The following CRPPA variants were observed in gnomAD, a reference collection of about 807,000 sequenced individuals.
The protein encoded by CRPPA is CDP-L-ribitol pyrophosphorylase A, also known as D-ribitol-5-phosphate cytidylyltransferase.
CRPPA carries 43 observed loss-of-function variants against 52.0 expected under a neutral mutation model. That is an observed-to-expected ratio of 0.83 (90% CI 0.65 to 1.07). The LOEUF is 1.07. Ranked by LOEUF, CRPPA falls within the 50% of genes least tolerant of loss-of-function variation. The probability of loss-of-function intolerance (pLI) is 0.00; values close to 1 mark genes in which losing one functional copy is unlikely to be tolerated. For missense variants in CRPPA, 629 were observed against 551.7 expected (o/e 1.14, Z -1.40); for synonymous variants, 250 against 203.5 (o/e 1.23, Z -1.94).
chr7:16,119,788 T>C (rs1019266054), intron 9 of CRPPA, among the ~76,000 whole-genome samples: 1 of 152,228 alleles, frequency 6.6e-6, no homozygotes. Context: ...TTTTGGATGT[T>C]AGGAGCAATG....
chr7:16,133,986 C>T lies in CRPPA; in HGVS notation c.1252-42187G>A, dbSNP rs1782720546. Among the ~76,000 whole-genome samples, 2 of 123,914 alleles carry T rather than the reference C, an allele frequency of 1.6e-5. 1 individual carries two copies. Among genetic ancestry groups the T allele is most frequent in the Non-Finnish European group, 3.7e-5 (2 of 54,488 alleles). 81.3% of individuals were successfully genotyped at this position (123,914 alleles called of 152,430 possible). A position where few individuals can be genotyped will look rare whatever the true frequency, so the allele number is the denominator to read the frequency against. ...TCGCTCTGTTGCCCAGGCTGGAGTG[C>T]AGTGGCGCAATCTCGGCTCACTGTA... On this transcript the variant is annotated intron_variant, in intron 9 of 9. Transcript: ENST00000407010.
intron 9 of CRPPA, among the ~76,000 whole-genome samples, chr7:16,114,295 TACAC>T (rs140597697): frequency 8.2e-5 from 12 of 147,050 alleles, no homozygotes; most frequent in African/African-American, 2.5e-5. Flanking sequence ...CACGCACACA[TACAC>T]ACACACACAC....
At chr7:16,107,551 A>C (rs1782181691) in intron 9 of CRPPA, among the ~76,000 whole-genome samples, 1 of 152,190 alleles carries the variant, frequency 6.6e-6, no homozygotes, top group African/African-American at 2.4e-5. Flanking sequence ...AGGAGAAATA[A>C]GAAGTTTCTC....
chr7:16,398,398 G>A (rs1033791246), intron 2 of CRPPA, among the ~76,000 whole-genome samples: 1 of 152,172 alleles, frequency 6.6e-6, no homozygotes, highest in African/African-American at 2.4e-5. Context: ...TGACTGACAC[G>A]TGACCAACAT....
At chr7:16,122,583 C>G (rs1023860029) in intron 9 of CRPPA, among the ~76,000 whole-genome samples, 19 of 151,966 alleles carry the variant, frequency 1.3e-4, no homozygotes, top group African/African-American at 4.6e-4. Context: ...ACAACTTGAA[C>G]TGAGAAACCT....
At chr7:16,171,518 G>C (rs1781186284) in intron 9 of CRPPA, among the ~76,000 whole-genome samples, 2 of 151,958 alleles carry the variant, frequency 1.3e-5, no homozygotes, top group African/African-American at 2.4e-5. Context: ...TGTAATCCCA[G>C]CACTTTGGGA....
chr7:16,158,380 G>T (rs900066036), intron 9 of CRPPA, among the ~76,000 whole-genome samples: 2 of 151,976 alleles, frequency 1.3e-5, no homozygotes, highest in African/African-American at 2.4e-5. Context: ...ATATGTAGCA[G>T]CAAATATTTA....
chr7:16,403,031 A>G (rs1482946580), intron 2 of CRPPA, among the ~76,000 whole-genome samples: 1 of 152,224 alleles, frequency 6.6e-6, no homozygotes, highest in East Asian at 1.9e-4. Flanking sequence ...ATTCAGAGAG[A>G]AAAGGCAAAT....
At chr7:16,127,991 A>T (rs1326566796) in intron 9 of CRPPA, among the ~76,000 whole-genome samples, 1 of 152,190 alleles carries the variant, frequency 6.6e-6, no homozygotes, top group Non-Finnish European at 1.5e-5. Context: ...GACTACAGCT[A>T]CAACGGAATA....
At position 16,284,661 on chromosome 7, in the gene CRPPA, C is replaced by T. The variant is rs552835215; in HGVS notation, c.836-6435G>A. 3.3e-5 allele frequency among the ~76,000 whole-genome samples: 5 copies of T among 152,188 alleles called. No homozygotes were observed. The East Asian group carries it at 9.7e-4, about 29-fold the overall frequency. The stretch of plus-strand genomic sequence containing the variant: ...AATGGAATATACATTTTGAGTAATA[C>T]ACCCATGTTGGCATCTCTGATTTGC... On this transcript the variant is annotated intron_variant, in intron 5 of 9. Transcript: ENST00000407010.
chr7:16,358,497 A>G (rs527504980), intron 3 of CRPPA, among the ~76,000 whole-genome samples: 1 of 152,306 alleles, frequency 6.6e-6, no homozygotes, highest in Admixed American at 6.5e-5. Context: ...AAATAGGTCA[A>G]ATCTATCCTG....
chr7:16,336,947 A>C (rs1050095582), intron 3 of CRPPA, among the ~76,000 whole-genome samples: 4 of 152,170 alleles, frequency 2.6e-5, no homozygotes, highest in African/African-American at 9.6e-5. Context: ...AAATTCATAT[A>C]TAGGCATTCA....
chr7:16,405,942 T>A, intron 2 of CRPPA, 119 bp downstream of exon 2: 1 of 888,558 alleles, frequency 1.1e-6, no homozygotes, highest in Non-Finnish European at 1.7e-6. Context: ...ATAACATCTT[T>A]AGGTCATCAT....
At chr7:16,412,611 C>A (rs1276774220) in intron 1 of CRPPA, among the ~76,000 whole-genome samples, 2 of 152,088 alleles carry the variant, frequency 1.3e-5, no homozygotes, top group African/African-American at 2.4e-5. Flanking sequence ...AACTAAAAGT[C>A]TTTTATAGTA....
At chr7:16,181,262 A>G (rs1781407782) in intron 9 of CRPPA, among the ~76,000 whole-genome samples, 1 of 151,948 alleles carries the variant, frequency 6.6e-6, no homozygotes, top group Non-Finnish European at 1.5e-5. Flanking sequence ...ACTTTTAGGA[A>G]AAAAATTATA....
At chr7:16,175,471 C>T (rs1391866600) in intron 9 of CRPPA, among the ~76,000 whole-genome samples, 1 of 152,048 alleles carries the variant, frequency 6.6e-6, no homozygotes, top group African/African-American at 2.4e-5. Flanking sequence ...GCTCACTCTT[C>T]ATCTCTAATG....
chr7:16,216,064 A>C lies in CRPPA; in HGVS notation c.1251+2T>G. The C allele has an allele frequency of 6.3e-7, 1 of 1,579,180 alleles. No homozygotes were observed. The highest frequency in any genetic ancestry group is 8.6e-7 in the Non-Finnish European group (1 of 1,164,746). ...CATTCGGAAGATAAACATTTTACCTACCTGTGGGTAAGATATGAGAAGCCC... is the reference window on the plus strand; with the variant it reads ...CATTCGGAAGATAAACATTTTACCTCCCTGTGGGTAAGATATGAGAAGCCC... On this transcript the variant is annotated splice_donor_variant, in intron 9 of 9. Transcript: ENST00000407010. LOFTEE classifies it high-confidence loss of function.
At position 16,406,318 on chromosome 7, in the gene CRPPA, T is replaced by C. The variant is rs762370550; in HGVS notation, c.277A>G (p.Ile93Val). 16 of 1,613,550 alleles carry C rather than the reference T, an allele frequency of 9.9e-6. No individual in the cohort carries two copies. In the African/African-American group the frequency reaches 2.0e-4, roughly 20 times the overall value. Residue 93 changes from isoleucine (I) to valine (V), a missense_variant, in exon 2 of 10, where the codon ATT (isoleucine) becomes GTT (valine). By Grantham distance (29) the Ile-to-Val change is conservative. Transcript: ENST00000407010. ...TTCTCTCCAGTTACTGCCACAACAATGTCCTTTATCCAACATACTCTAAAA... is the reference window on the plus strand; with the variant it reads ...TTCTCTCCAGTTACTGCCACAACAACGTCCTTTATCCAACATACTCTAAAA... Reference protein sequence around the residue: ...ALERVCWIKDIVVAVTGENME... With the variant: ...ALERVCWIKDVVVAVTGENME...
intron 9 of CRPPA, among the ~76,000 whole-genome samples, chr7:16,170,666 A>G (rs1199961457): frequency 6.6e-6 from 1 of 152,060 alleles, no homozygotes; most frequent in African/African-American, 2.4e-5. Context: ...GGGGCGGGGG[A>G]GAGAGGGAGC....
Sources: allele counts gnomAD v4.1 joint callset (sites outside exome capture counted in the v4.1 genomes callset), GRCh38; gene constraint gnomAD v4.1.1; transcripts MANE v1.5; gene names NCBI Gene and HGNC (gene_info 2026-07-23, HGNC 2026-07-21).